Variants in GGACT observed in about 807,000 individuals in gnomAD.
GGACT encodes gamma-glutamylamine cyclotransferase.
For synonymous variants in GGACT, 118 were observed against 115.3 expected (o/e 1.02, Z -0.15); for missense variants, 241 against 233.2 (o/e 1.03, Z -0.22).
At chr13:100,577,110 T>G (rs1306879462) in intron 2 of GGACT, among the ~76,000 whole-genome samples, 1 of 152,156 alleles carries the variant, frequency 6.6e-6, no homozygotes, top group Non-Finnish European at 1.5e-5. Flanking sequence ...ATAAACCAAC[T>G]GTACAGACCT....
chr13:100,563,828 C>T (rs1814027389), intron 2 of GGACT, among the ~76,000 whole-genome samples: 1 of 152,102 alleles, frequency 6.6e-6, no homozygotes, highest in Non-Finnish European at 1.5e-5. Context: ...TGGGCACTGC[C>T]CCTGGAGGAG....
At chr13:100,573,846 A>G (rs1875167058) in intron 2 of GGACT, among the ~76,000 whole-genome samples, 1 of 150,324 alleles carries the variant, frequency 6.7e-6, no homozygotes, top group African/African-American at 2.4e-5. Flanking sequence ...ACAATGAGAT[A>G]CCATCTCACA....
At position 100,534,468 on chromosome 13, in the gene GGACT, G is replaced by A. The variant is rs1040936178; in HGVS notation, c.-10-1867C>T. On this transcript the variant is annotated intron_variant, in intron 2 of 2. Transcript: ENST00000683975. This position sits in a 1 kb window ranked among gnomAD's most constrained non-coding sequence, Gnocchi z 4.9. ...TCAGGCCTAAAATTGCCAGGACTCG[G>A]CTGCTGGGGTGTACGTGAAAATGAC... is the stretch of plus-strand genomic sequence containing the variant. 6.6e-5 allele frequency among the ~76,000 whole-genome samples: 10 copies of A among 151,834 alleles called. No homozygotes were observed. The highest frequency in any genetic ancestry group is 2.4e-4 in the African/African-American group (10 of 41,126).
chr13:100,544,616 T>TA (rs2088587970), intron 2 of GGACT, among the ~76,000 whole-genome samples: 1 of 152,200 alleles, frequency 6.6e-6, no homozygotes, highest in South Asian at 2.1e-4. Flanking sequence ...ACTGAACACT[T>TA]ACGGGTCTGT....
chr13:100,571,784 T>A (rs1046777802), intron 2 of GGACT, among the ~76,000 whole-genome samples: 4 of 152,202 alleles, frequency 2.6e-5, no homozygotes, highest in African/African-American at 9.7e-5. Flanking sequence ...ATGGAGATAA[T>A]GTATGTATAT....
At chr13:100,568,196 A>G (rs1057008623) in intron 2 of GGACT, among the ~76,000 whole-genome samples, 12 of 152,206 alleles carry the variant, frequency 7.9e-5, no homozygotes, top group Non-Finnish European at 1.3e-4. Context: ...CCCACTTTTT[A>G]TATTTATTGG....
chr13:100,581,046 C>T lies in GGACT; in HGVS notation c.-11+2779G>A, dbSNP rs146591092. Reference sequence around the variant, plus strand: ...GCAGGGAAAACGCAAGAGTGATCCACGGGGTAAAGGATTAGGGCTGGAGAC... The same window carrying T: ...GCAGGGAAAACGCAAGAGTGATCCATGGGGTAAAGGATTAGGGCTGGAGAC... On this transcript the variant is annotated intron_variant, in intron 2 of 2. Coordinates refer to ENST00000683975, the MANE Select transcript of GGACT (RefSeq NM_001195087.2). 5.1e-4 allele frequency among the ~76,000 whole-genome samples: 78 copies of T among 152,216 alleles called. 3 individuals are homozygous for T. In the East Asian group the frequency reaches 0.014, roughly 26 times the overall value.
chr13:100,580,822 A>C (rs1272450719), intron 2 of GGACT, among the ~76,000 whole-genome samples: 2 of 152,224 alleles, frequency 1.3e-5, no homozygotes, highest in African/African-American at 4.8e-5. Context: ...CTGTTGGCCC[A>C]GTCTACAGTT....
intron 2 of GGACT, among the ~76,000 whole-genome samples, chr13:100,562,095 G>A (rs1266650258): frequency 1.3e-5 from 2 of 152,126 alleles, no homozygotes; most frequent in Non-Finnish European, 2.9e-5. Flanking sequence ...TCTAAATAGG[G>A]ACAGAAACTC....
At chr13:100,563,180 G>C (rs1485095903) in intron 2 of GGACT, among the ~76,000 whole-genome samples, 1 of 152,100 alleles carries the variant, frequency 6.6e-6, no homozygotes, top group Non-Finnish European at 1.5e-5. Context: ...GCTGCCCCAC[G>C]ATCAATCTGC....
intron 2 of GGACT, among the ~76,000 whole-genome samples, chr13:100,557,057 GT>G (rs2088715322): frequency 6.6e-6 from 1 of 151,960 alleles, no homozygotes; most frequent in Non-Finnish European, 1.5e-5. Flanking sequence ...GCCTGGTAAT[GT>G]TTTTCTATTT....
chr13:100,547,763 C>T (rs183285783), intron 2 of GGACT, among the ~76,000 whole-genome samples: 21 of 152,218 alleles, frequency 1.4e-4, no homozygotes, highest in Non-Finnish European at 1.2e-4. Context: ...GGGTCAAGGT[C>T]GAGCAGGCCC....
At chr13:100,548,455 G>C (rs1052247434) in intron 2 of GGACT, among the ~76,000 whole-genome samples, 1 of 152,200 alleles carries the variant, frequency 6.6e-6, no homozygotes, top group African/African-American at 2.4e-5. Context: ...GTGGTTTGCT[G>C]ACAGAATATT....
chr13:100,570,307 G>A (rs569856759), intron 2 of GGACT, among the ~76,000 whole-genome samples: 17 of 152,246 alleles, frequency 1.1e-4, no homozygotes, highest in African/African-American at 2.4e-4. Context: ...TAATCGACTC[G>A]TGTTCAGCAT....
rs968087581 is a variant in GGACT at position 100,548,454 on chromosome 13, T to C, written c.-10-15853A>G. On this transcript the variant is annotated intron_variant, in intron 2 of 2. Coordinates refer to ENST00000683975, the MANE Select transcript of GGACT (RefSeq NM_001195087.2). ...TCATTCTCTTCTCTAGGTGGTTTGCTGACAGAATATTCTAGAAGGATGAGA... is the reference window on the plus strand; with the variant it reads ...TCATTCTCTTCTCTAGGTGGTTTGCCGACAGAATATTCTAGAAGGATGAGA... Among the ~76,000 whole-genome samples the C allele has an allele frequency of 3.3e-5, 5 of 152,210 alleles. No individual in the cohort carries two copies. The East Asian group carries it at 9.6e-4, about 29-fold the overall frequency.
At chr13:100,550,416 C>CTACA (rs1442518924) in intron 2 of GGACT, among the ~76,000 whole-genome samples, 1 of 85,436 alleles carries the variant, frequency 1.2e-5, no homozygotes, top group East Asian at 3.2e-4. Flanking sequence ...CGATTATACT[C>CTACA]TACACACACA....
At position 100,545,898 on chromosome 13, in the gene GGACT, G is replaced by A. The variant is rs551551499; in HGVS notation, c.-10-13297C>T. Among the ~76,000 whole-genome samples the A allele has an allele frequency of 6.6e-6, 1 of 152,352 alleles. No homozygotes were observed. The highest frequency in any genetic ancestry group is 2.1e-4 in the South Asian group (1 of 4,832). The stretch of plus-strand genomic sequence containing the variant: ...CATGTCCCTTCCTACACATGCGTCA[G>A]CCAACCACATACTCGGAAAATGACA... On this transcript the variant is annotated intron_variant, in intron 2 of 2. Coordinates refer to ENST00000683975, the MANE Select transcript of GGACT (RefSeq NM_001195087.2). This position sits in a 1 kb window ranked among gnomAD's most constrained non-coding sequence, Gnocchi z 4.4.
chr13:100,550,820 T>C (rs1008647710), intron 2 of GGACT, among the ~76,000 whole-genome samples: 1 of 151,784 alleles, frequency 6.6e-6, no homozygotes, highest in Non-Finnish European at 1.5e-5. Context: ...ATTATGGAGT[T>C]GTTGTTTTTT....
At chr13:100,536,563 G>T (rs2088495602) in intron 2 of GGACT, 1 of 148,774 alleles carries the variant, frequency 6.7e-6, no homozygotes, top group African/African-American at 2.5e-5. Flanking sequence ...TATTTTTTAA[G>T]TTTTCTTCAT....
Sources: allele counts gnomAD v4.1 joint callset (sites outside exome capture counted in the v4.1 genomes callset), GRCh38; gene constraint gnomAD v4.1.1; non-coding constraint Gnocchi (gnomAD v3.1); transcripts MANE v1.5; gene names NCBI Gene and HGNC (gene_info 2026-07-23, HGNC 2026-07-21).